Variants in ZBTB44 observed in about 807,000 individuals in gnomAD.
The protein encoded by ZBTB44 is zinc finger and BTB domain-containing protein 44.
Under a neutral mutation model 54.0 loss-of-function variants are expected in ZBTB44, and 15 were observed. That is an observed-to-expected ratio of 0.28 (90% CI 0.19 to 0.43). The LOEUF is 0.43. Among genes scored for constraint, ZBTB44 ranks in the 20% least tolerant of loss-of-function variants. ZBTB44 has a pLI of 1.00. For missense variants in ZBTB44, 487 were observed against 707.1 expected, an observed-to-expected ratio of 0.69 and a Z score of 3.53; for synonymous variants, 230 against 250.1, an observed-to-expected ratio of 0.92 and a Z score of 0.76.
rs1445024675 is a variant in ZBTB44, at chr11:130,230,445, A to G, written c.*1319T>C. 1.3e-5 allele frequency: 1 copy of G among 76,800 alleles called. No individual in the cohort carries two copies. The highest frequency in any genetic ancestry group is 1.8e-4 in the Admixed American group (1 of 5,508). The allele number at this position is 76,800 out of a possible 1,614,324, so 4.8% of individuals were successfully genotyped here. On this transcript the variant is annotated 3_prime_UTR_variant, in exon 8 of 8. Coordinates refer to ENST00000357899, the MANE Select transcript of ZBTB44 (RefSeq NM_001301098.2). ...TTTTTTTTTTTTTTTGCTAGTTATT[A>G]AGAACAAAGGGCATGTGTCGTAACA...
intron 1 of ZBTB44, chr11:130,296,577 A>G: frequency 4.3e-6 from 4 of 926,666 alleles, no homozygotes; most frequent in Non-Finnish European, 7.1e-6. Flanking sequence ...GAATATATTC[A>G]TCGTGTAGGT....
At chr11:130,285,831 C>G in intron 1 of ZBTB44, 1 of 162,332 alleles carries the variant, frequency 6.2e-6, no homozygotes, top group East Asian at 1.6e-4. Flanking sequence ...TGAGACCAAC[C>G]CGTGCTGTCC....
intron 1 of ZBTB44, among the ~76,000 whole-genome samples, chr11:130,313,347 G>A (rs751504739): frequency 1.3e-5 from 2 of 152,178 alleles, no homozygotes; most frequent in South Asian, 2.1e-4. Context: ...GAATAATCTG[G>A]TTTTCATAAT....
At chr11:130,257,253 A>AG (rs1402732906) in intron 2 of ZBTB44, among the ~76,000 whole-genome samples, 2 of 151,796 alleles carry the variant, frequency 1.3e-5, no homozygotes, top group African/African-American at 4.8e-5. Flanking sequence ...AAAAAAAAAA[A>AG]AAAAAAGAAA....
At chr11:130,305,795 A>T (rs1010773691) in intron 1 of ZBTB44, among the ~76,000 whole-genome samples, 1 of 152,238 alleles carries the variant, frequency 6.6e-6, no homozygotes, top group African/African-American at 2.4e-5. Context: ...AGAAATAATC[A>T]GCAGAGTAAA....
At chr11:130,257,650 A>G (rs544823675) in intron 2 of ZBTB44, among the ~76,000 whole-genome samples, 1 of 151,970 alleles carries the variant, frequency 6.6e-6, no homozygotes, top group African/African-American at 2.4e-5. Context: ...GAGAGAATAA[A>G]TTTTTTTTAA....
At chr11:130,268,263 G>T (rs1429149803) in intron 1 of ZBTB44, among the ~76,000 whole-genome samples, 1 of 150,066 alleles carries the variant, frequency 6.7e-6, no homozygotes, top group African/African-American at 2.5e-5. Context: ...GGTAGGGGAA[G>T]AAAGATTCAA....
chr11:130,296,225 A>C (rs1322799833), intron 1 of ZBTB44: 2 of 1,296,740 alleles, frequency 1.5e-6, no homozygotes, highest in African/African-American at 3.0e-5. Flanking sequence ...ATGATGATAA[A>C]GCTAATACAA....
At chr11:130,277,420 G>A (rs1267321933) in intron 1 of ZBTB44, among the ~76,000 whole-genome samples, 1 of 152,108 alleles carries the variant, frequency 6.6e-6, no homozygotes, top group Non-Finnish European at 1.5e-5. Flanking sequence ...CATTGTTACA[G>A]ATATCATATC....
In ZBTB44 at chr11:130,238,579, G is replaced by T; in HGVS notation, c.1132C>A (p.Leu378Ile). Residue 378 changes from leucine (L) to isoleucine (I), a missense_variant, in exon 4 of 8, where the codon CTC (leucine) becomes ATC (isoleucine). By Grantham distance (5) the Leu-to-Ile change is conservative. Around this residue, in one of 3 missense-constraint regions of ZBTB44, gnomAD observed 277 missense variants for 306.5 expected, o/e 0.90. Transcript: ENST00000357899. ...RLENVQYPYQ[L>I]YIAPSTSSTE... ...CTGCTGGTGGAAGGAGCAATGTAGA[G>T]TTGGTAGGGATACTGAACATTTTCC... is the stretch of plus-strand genomic sequence containing the variant. 1.2e-6 allele frequency: 2 copies of T among 1,612,628 alleles called. No individual in the cohort carries two copies. Among genetic ancestry groups the T allele is most frequent in the African/African-American group, 2.7e-5 (2 of 74,990 alleles).
At chr11:130,241,230 G>A (rs926666165) in intron 2 of ZBTB44, among the ~76,000 whole-genome samples, 6 of 152,126 alleles carry the variant, frequency 3.9e-5, no homozygotes, top group African/African-American at 1.4e-4. Context: ...TACATATGTA[G>A]GAATGGAATT....
Position 130,230,391 on chromosome 11 carries a change from A to AAAGT in ZBTB44, c.*1369_*1372dup. The AAAGT allele has an allele frequency of 6.6e-6, 1 of 150,528 alleles. No homozygotes were observed. The highest frequency in any genetic ancestry group is 1.9e-4 in the East Asian group (1 of 5,130). 9.3% of individuals were successfully genotyped at this position (150,528 alleles called of 1,614,324 possible). On this transcript the variant is annotated 3_prime_UTR_variant, in exon 8 of 8. Transcript: ENST00000357899. The stretch of plus-strand genomic sequence containing the variant: ...TATTGACTAGTCTATTTCATTTGGC[A>AAAGT]AAGTATTTTAACAAGATGAAAGTTT...
intron 1 of ZBTB44, among the ~76,000 whole-genome samples, chr11:130,270,725 A>G (rs1224050506): frequency 6.6e-6 from 1 of 152,238 alleles, no homozygotes; most frequent in Non-Finnish European, 1.5e-5. Context: ...AACAGTAGCT[A>G]AAAGAGTCAG....
chr11:130,314,002 C>T (rs1942787007), intron 1 of ZBTB44, among the ~76,000 whole-genome samples: 1 of 150,850 alleles, frequency 6.6e-6, no homozygotes, highest in Non-Finnish European at 1.5e-5. Context: ...TCTTTCTGTA[C>T]CAGAGAAAAA....
intron 1 of ZBTB44, among the ~76,000 whole-genome samples, chr11:130,292,424 G>A (rs1941358066): frequency 6.6e-6 from 1 of 152,100 alleles, no homozygotes; most frequent in African/African-American, 2.4e-5. Flanking sequence ...TGGGCCTAAT[G>A]AGACTTGACA....
chr11:130,307,977 C>A (rs144064431), intron 1 of ZBTB44, among the ~76,000 whole-genome samples: 3 of 152,176 alleles, frequency 2.0e-5, no homozygotes, highest in African/African-American at 7.2e-5. Flanking sequence ...CCACCCGCCT[C>A]CGCCTCCCAA....
chr11:130,256,361 A>T (rs914062787), intron 2 of ZBTB44, among the ~76,000 whole-genome samples: 2 of 152,210 alleles, frequency 1.3e-5, no homozygotes, highest in African/African-American at 4.8e-5. Context: ...ATCTCAATAG[A>T]CGCAGAAAAG....
chr11:130,246,230 G>A (rs1028660638), intron 2 of ZBTB44, among the ~76,000 whole-genome samples: 1 of 152,042 alleles, frequency 6.6e-6, no homozygotes, highest in Non-Finnish European at 1.5e-5. Flanking sequence ...CATATGAATT[G>A]GAATTTCAGT....
intron 1 of ZBTB44, among the ~76,000 whole-genome samples, chr11:130,280,647 T>TG (rs1940434192): frequency 6.6e-6 from 1 of 152,214 alleles, no homozygotes; most frequent in African/African-American, 2.4e-5. Context: ...TTCTAATGTA[T>TG]GTTCTCTGAC....
Sources: gnomAD v4.1 joint callset for allele counts (sites outside exome capture counted in the v4.1 genomes callset) on GRCh38, gnomAD v4.1.1 for gene constraint, gnomAD v4.1.1 regional missense constraint, MANE v1.5 for transcripts, NCBI Gene and HGNC (gene_info 2026-07-23, HGNC 2026-07-21) for gene names.